Variants in PLXNC1 observed in about 807,000 individuals in gnomAD.
PLXNC1 encodes plexin C1, also known as plexin-C1.
Under a neutral mutation model 178.2 loss-of-function variants are expected in PLXNC1, and 75 were observed. The ratio of observed to expected loss-of-function variants is 0.42; its 90% CI spans 0.35 to 0.51. The LOEUF is 0.51. PLXNC1 is among the 20% of genes least tolerant of loss of function. The probability of loss-of-function intolerance (pLI) is 0.02; values close to 1 mark genes in which losing one functional copy is unlikely to be tolerated. For missense variants in PLXNC1, 1,503 were observed against 1,984.4 expected, an observed-to-expected ratio of 0.76 and a Z score of 4.61; for synonymous variants, 790 against 779.9, an observed-to-expected ratio of 1.01 and a Z score of -0.22.
At chr12:94,237,583 C>T in intron 9 of PLXNC1, 81 bp from the exon 10 acceptor site, 2 of 1,205,920 alleles carry the variant, frequency 1.7e-6, no homozygotes, top group South Asian at 2.8e-5. Context: ...TTTCTTCGAA[C>T]TGCAGCGTAT....
chr12:94,203,709 G>T (rs911562935), intron 4 of PLXNC1, among the ~76,000 whole-genome samples: 3 of 152,160 alleles, frequency 2.0e-5, no homozygotes, highest in Non-Finnish European at 2.9e-5. Context: ...CCTACTTCAT[G>T]GGCTGGTTGT....
intron 9 of PLXNC1, among the ~76,000 whole-genome samples, chr12:94,233,936 G>C (rs979155073): frequency 1.7e-4 from 26 of 152,024 alleles, no homozygotes; most frequent in African/African-American, 6.3e-4. Context: ...ACTCCTGTAG[G>C]GCCCTACAGG....
intron 6 of PLXNC1, among the ~76,000 whole-genome samples, chr12:94,221,166 A>G (rs181532968): frequency 1.2e-4 from 18 of 152,330 alleles, no homozygotes; most frequent in African/African-American, 3.8e-4. Context: ...GGAGGCAGGG[A>G]CTTGGAGAAG....
intron 4 of PLXNC1, chr12:94,186,697 G>A (rs991054005): frequency 6.3e-6 from 3 of 476,392 alleles, no homozygotes; most frequent in African/African-American, 3.9e-5. Flanking sequence ...CTCGGGGCGG[G>A]AGGGGCAGGT....
intron 21 of PLXNC1, among the ~76,000 whole-genome samples, chr12:94,273,281 G>A (rs1271723299): frequency 6.6e-6 from 1 of 152,110 alleles, no homozygotes; most frequent in East Asian, 1.9e-4. Context: ...CAGGTGGCAG[G>A]AGGTGGTTTT....
chr12:94,209,627 T>C lies in PLXNC1; in HGVS notation c.1477T>C (p.Leu493=). 1 of 1,603,464 alleles carries C rather than the reference T, an allele frequency of 6.2e-7. No homozygotes were observed. The highest frequency in any genetic ancestry group is 8.5e-7 in the Non-Finnish European group (1 of 1,173,714). Residue 493 remains leucine, a synonymous_variant, in exon 5 of 31, where the codon TTA becomes CTA. Coordinates refer to ENST00000258526, the MANE Select transcript of PLXNC1 (RefSeq NM_005761.3). ...FQGDCVHSEN[L]ENWLDISSGA... Reference sequence around the variant, plus strand: ...AGGAGATTGTGTACATTCAGAGAACTTAGAAAACTGGCTGGATATTTCGTC... The same window carrying C: ...AGGAGATTGTGTACATTCAGAGAACCTAGAAAACTGGCTGGATATTTCGTC...
At chr12:94,289,835 C>T (rs1967100807) in intron 23 of PLXNC1, among the ~76,000 whole-genome samples, 1 of 152,154 alleles carries the variant, frequency 6.6e-6, no homozygotes, top group Non-Finnish European at 1.5e-5. Context: ...TAGAAATGCA[C>T]TCACACATAC....
intron 4 of PLXNC1, among the ~76,000 whole-genome samples, chr12:94,198,708 C>G (rs1592756367): frequency 6.6e-6 from 1 of 152,164 alleles, no homozygotes; most frequent in African/African-American, 2.4e-5. Flanking sequence ...TCTCCCAGCT[C>G]CGGGTGACTC....
chr12:94,168,762 G>A (rs1961726988), intron 1 of PLXNC1, among the ~76,000 whole-genome samples: 1 of 152,172 alleles, frequency 6.6e-6, no homozygotes, highest in Admixed American at 6.5e-5. Flanking sequence ...AGAAGCCAAC[G>A]CCTAGCTAAA....
In PLXNC1 at chr12:94,278,736, G is replaced by A. The variant is rs184127237; in HGVS notation, c.3598-736G>A. The stretch of plus-strand genomic sequence containing the variant: ...CTTTGGGCCGGGCACAGTGGCTCAC[G>A]CCTGTAATCCTAGCACTTTGGGAGG... On this transcript the variant is annotated intron_variant, in intron 21 of 30. Coordinates refer to ENST00000258526, the MANE Select transcript of PLXNC1 (RefSeq NM_005761.3). Among the ~76,000 whole-genome samples the A allele has an allele frequency of 5.9e-3, 900 of 152,238 alleles. 5 individuals are homozygous for A. Among genetic ancestry groups the A allele is most frequent in the Admixed American group, 9.2e-3 (141 of 15,296 alleles).
chr12:94,278,640 C>T (rs978053102), intron 21 of PLXNC1, among the ~76,000 whole-genome samples: 11 of 152,148 alleles, frequency 7.2e-5, no homozygotes, highest in African/African-American at 2.7e-4. Flanking sequence ...AACCATCTGA[C>T]TGAGGATGTT....
rs947356672 is a variant in PLXNC1, at chr12:94,275,772, G to A, written c.3598-3700G>A. 4.1e-5 allele frequency among the ~76,000 whole-genome samples: 4 copies of A among 97,716 alleles called. 1 individual carries two copies. Among genetic ancestry groups the A allele is most frequent in the African/African-American group, 1.7e-4 (4 of 24,004 alleles). The allele number at this position is 97,716 out of a possible 152,430, so 64.1% of individuals were successfully genotyped here. ...TGGGAGGCTGAGGCAGGAGAATGGC[G>A]TGAACCCGGGAGGCGGAGCTTGCAG... On this transcript the variant is annotated intron_variant, in intron 21 of 30. Transcript: ENST00000258526.
intron 1 of PLXNC1, among the ~76,000 whole-genome samples, chr12:94,162,973 G>A (rs922563533): frequency 6.6e-6 from 1 of 152,108 alleles, no homozygotes; most frequent in Non-Finnish European, 1.5e-5. Flanking sequence ...TAGAAGTCCC[G>A]CATCACACAG....
chr12:94,303,661 C>T, intron 28 of PLXNC1, 95 bp from the exon 29 acceptor site: 1 of 1,109,426 alleles, frequency 9.0e-7, no homozygotes, highest in Non-Finnish European at 1.2e-6. Flanking sequence ...GGTGGGGGTT[C>T]AGCTACATTG....
Position 94,307,114 on chromosome 12 carries a change from G to A in PLXNC1, c.*1829G>A, listed in dbSNP as rs1159111914. The A allele has an allele frequency of 2.0e-5, 3 of 152,200 alleles. No homozygotes were observed. Among genetic ancestry groups the A allele is most frequent in the Non-Finnish European group, 4.4e-5 (3 of 68,048 alleles). 9.4% of individuals were successfully genotyped at this position (152,200 alleles called of 1,614,324 possible). On this transcript the variant is annotated 3_prime_UTR_variant, in exon 31 of 31. Transcript: ENST00000258526. ...AGCTTTATCTAAGTATTTACTAAAT[G>A]CTACATGAGGGTGTCCCTGTCCAGC...
intron 1 of PLXNC1, among the ~76,000 whole-genome samples, chr12:94,156,788 G>T (rs1961188317): frequency 6.7e-6 from 1 of 150,300 alleles, no homozygotes; most frequent in Admixed American, 6.6e-5. Context: ...GCTTATTGCG[G>T]CCTCAAACTC....
rs547488840 is a variant in PLXNC1, at chr12:94,171,591, C to T, written c.1203+2298C>T. Among the ~76,000 whole-genome samples the T allele has an allele frequency of 2.0e-5, 3 of 152,294 alleles. No homozygotes were observed. The South Asian group carries it at 6.2e-4, about 32-fold the overall frequency. On this transcript the variant is annotated intron_variant, in intron 2 of 30. Transcript: ENST00000258526. ...ACTTCAGAGACTGCACTAAGATCCC[C>T]TATGCTGCACTGACTTTGCAACCTC...
At chr12:94,166,884 A>T (rs1463001488) in intron 1 of PLXNC1, among the ~76,000 whole-genome samples, 1 of 151,906 alleles carries the variant, frequency 6.6e-6, no homozygotes, top group African/African-American at 2.4e-5. Flanking sequence ...CACCTGTCTC[A>T]GCCTCCTAAA....
At chr12:94,289,707 A>G (rs1967084412) in intron 23 of PLXNC1, among the ~76,000 whole-genome samples, 1 of 152,208 alleles carries the variant, frequency 6.6e-6, no homozygotes. Flanking sequence ...TTGTGCTAAA[A>G]AGAAAACGGA....
Sources: allele counts gnomAD v4.1 joint callset (sites outside exome capture counted in the v4.1 genomes callset), GRCh38; gene constraint gnomAD v4.1.1; transcripts MANE v1.5; gene names NCBI Gene and HGNC (gene_info 2026-07-23, HGNC 2026-07-21).